Variants in DOP1A observed in about 807,000 individuals in gnomAD.
The protein encoded by DOP1A is protein DOP1A.
DOP1A carries 90 observed loss-of-function variants against 267.6 expected under a neutral mutation model. That is an observed-to-expected ratio of 0.34 (90% confidence interval 0.28 to 0.40). The LOEUF (loss-of-function observed/expected upper bound fraction) is 0.40. Ranked by LOEUF, DOP1A falls within the 10% of genes least tolerant of loss-of-function variation. DOP1A has a pLI of 1.00. For missense variants in DOP1A, 2,437 were observed against 2,900.4 expected (o/e 0.84, Z 3.67); for synonymous variants, 932 against 999.1 (o/e 0.93, Z 1.27).
At position 83,122,827 on chromosome 6, in the gene DOP1A, A is replaced by C. The variant is rs533914759; in HGVS notation, c.1221-36A>C. ...TAAATTTGAAAAAACAAATGTTAAT[A>C]TTTTTTAGTTTTTGTTTTCTTTTCT... On this transcript the variant is annotated intron_variant, in intron 11 of 38. Coordinates refer to ENST00000349129, the MANE Select transcript of DOP1A (RefSeq NM_015018.4). 7.9e-6 allele frequency: 11 copies of C among 1,387,304 alleles called. No individual in the cohort carries two copies. In the East Asian group the frequency reaches 2.8e-4, roughly 35 times the overall value. 85.9% of individuals were successfully genotyped at this position (1,387,304 alleles called of 1,614,324 possible). A position where few individuals can be genotyped will look rare whatever the true frequency, so the allele number is the denominator to read the frequency against.
chr6:83,170,116 G>A (rs1307141769), downstream of DOP1A, among the ~76,000 whole-genome samples: 1 of 152,192 alleles, frequency 6.6e-6, no homozygotes, highest in African/African-American at 2.4e-5. Context: ...AATAAACTAA[G>A]TGGGTCTAAT....
chr6:83,157,915 C>G (rs1156346172), intron 35 of DOP1A, among the ~76,000 whole-genome samples: 1 of 152,118 alleles, frequency 6.6e-6, no homozygotes, highest in Non-Finnish European at 1.5e-5. Context: ...AATGAGTAAA[C>G]AATGGAAAAG....
chr6:83,082,889 C>A lies in DOP1A; in HGVS notation c.-146-13842C>A, dbSNP rs530535439. Among the ~76,000 whole-genome samples, 47 of 151,608 alleles carry A rather than the reference C, an allele frequency of 3.1e-4. 2 individuals carry two copies. The South Asian group carries it at 9.6e-3, about 31-fold the overall frequency. On this transcript the variant is annotated intron_variant, in intron 1 of 38. Transcript: ENST00000349129. ...GTGGTGCGGTCTCCACTCACTGCACCCTCTGCCTCCTGGGTTCAAGCAATT... is the reference window on the plus strand; with the variant it reads ...GTGGTGCGGTCTCCACTCACTGCACACTCTGCCTCCTGGGTTCAAGCAATT...
chr6:83,098,451 G>A (rs1191634242), intron 3 of DOP1A, among the ~76,000 whole-genome samples: 2 of 152,202 alleles, frequency 1.3e-5, no homozygotes, highest in Admixed American at 6.5e-5. Flanking sequence ...GTTGAGGGCT[G>A]AGCCTCATAA....
Position 83,147,220 on chromosome 6 carries a change from T to C in DOP1A, c.5677-16T>C. ...GTATTCTTCTTCACTACAAAATTGA[T>C]TTCTTTTATTTATAGAAACATCTTT... is the stretch of plus-strand genomic sequence containing the variant. On this transcript the variant is annotated splice_polypyrimidine_tract_variant and intron_variant, in intron 25 of 38. Coordinates refer to ENST00000349129, the MANE Select transcript of DOP1A (RefSeq NM_015018.4). 1 of 1,386,586 alleles carries C rather than the reference T, an allele frequency of 7.2e-7. No homozygotes were observed. Among genetic ancestry groups the C allele is most frequent in the Non-Finnish European group, 1.0e-6 (1 of 1,002,278 alleles). The allele number at this position is 1,386,586 out of a possible 1,614,324, so 85.9% of individuals were successfully genotyped here.
chr6:83,077,433 C>A (rs953710616), intron 1 of DOP1A, among the ~76,000 whole-genome samples: 4 of 152,108 alleles, frequency 2.6e-5, no homozygotes, highest in African/African-American at 9.7e-5. Flanking sequence ...CTTTGGGAGG[C>A]CAGGGCAGGA....
chr6:83,125,611 C>G lies in DOP1A; in HGVS notation c.1597C>G (p.Leu533Val). Residue 533 changes from leucine to valine, a missense_variant, in exon 15 of 39, where the codon CTC (leucine) becomes GTC (valine). Physicochemically the swap from Leu to Val is conservative, Grantham distance 32. Coordinates refer to ENST00000349129, the MANE Select transcript of DOP1A (RefSeq NM_015018.4). ...TLHLSELTDS[L>V]RLCSKILSKV... Reference sequence around the variant, plus strand: ...GCACTTATCTGAACTCACAGATTCTCTCAGACTCTGCTCAAAGATCCTTAG... The same window carrying G: ...GCACTTATCTGAACTCACAGATTCTGTCAGACTCTGCTCAAAGATCCTTAG... 6.2e-7 allele frequency: 1 copy of G among 1,613,860 alleles called. No homozygotes were observed. The highest frequency in any genetic ancestry group is 8.5e-7 in the Non-Finnish European group (1 of 1,179,818).
intron 38 of DOP1A, chr6:83,165,160 G>C (rs1188446494): frequency 1.9e-5 from 3 of 155,396 alleles, no homozygotes; most frequent in Non-Finnish European, 2.8e-5. Flanking sequence ...TAGGGGATTA[G>C]AGGTGGTATG....
At chr6:83,152,211 TACACAC>T (rs3830924) in intron 29 of DOP1A, 71 bp from the exon 30 acceptor site, 186 of 697,992 alleles carry the variant, frequency 2.7e-4, no homozygotes, top group Middle Eastern at 7.2e-4. Flanking sequence ...ATAAAAATAA[TACACAC>T]ACACACACAC....
In DOP1A at chr6:83,135,840, G is replaced by A; in HGVS notation, c.3092G>A (p.Ser1031Asn). ...NKSPCYPGEESDKHFMQNFAC... is the reference protein window; with the variant it reads ...NKSPCYPGEENDKHFMQNFAC... ...TCTCCCTGTTATCCAGGAGAGGAGA[G>A]TGACAAGCATTTCATGCAAAATTTT... The change falls in exon 20 of 39, where the codon AGT becomes AAT. Residue 1031 changes from serine (S) to asparagine (N), a missense_variant. Ser to Asn is a conservative substitution (Grantham distance 46). Around this residue, in one of 9 missense-constraint regions of DOP1A, gnomAD observed 878 missense variants for 992.9 expected, o/e 0.88. Coordinates refer to ENST00000349129, the MANE Select transcript of DOP1A (RefSeq NM_015018.4). 1 of 1,613,626 alleles carries A rather than the reference G, an allele frequency of 6.2e-7. No individual in the cohort carries two copies. The highest frequency in any genetic ancestry group is 8.5e-7 in the Non-Finnish European group (1 of 1,179,658).
Position 83,158,517 on chromosome 6 carries a change from A to G in DOP1A, c.6742-50A>G, listed in dbSNP as rs565709277. 6.7e-4 allele frequency: 897 copies of G among 1,334,962 alleles called. 1 individual carries two copies. Among genetic ancestry groups the G allele is most frequent in the South Asian group, 1.1e-3 (86 of 77,964 alleles). The allele number at this position is 1,334,962 out of a possible 1,614,324, so 82.7% of individuals were successfully genotyped here. A position where few individuals can be genotyped will look rare whatever the true frequency, so the allele number is the denominator to read the frequency against. On this transcript the variant is annotated intron_variant, in intron 35 of 38. Coordinates refer to ENST00000349129, the MANE Select transcript of DOP1A (RefSeq NM_015018.4). ...AAATACAACTTAAAGATAACTTGAAAGGATTAAATATCCAGTTTAAATAAA... is the reference window on the plus strand; with the variant it reads ...AAATACAACTTAAAGATAACTTGAAGGGATTAAATATCCAGTTTAAATAAA...
At chr6:83,079,144 A>G (rs972566344) in intron 1 of DOP1A, among the ~76,000 whole-genome samples, 1 of 152,238 alleles carries the variant, frequency 6.6e-6, no homozygotes, top group African/African-American at 2.4e-5. Context: ...ACTGATGTGC[A>G]CAGATACATG....
At position 83,095,440 on chromosome 6, in the gene DOP1A, A is replaced by G. The variant is rs116107762; in HGVS notation, c.-146-1291A>G. Among the ~76,000 whole-genome samples the G allele has an allele frequency of 5.4e-3, 816 of 152,270 alleles. 10 individuals are homozygous for G. Among genetic ancestry groups the G allele is most frequent in the African/African-American group, 0.019 (779 of 41,558 alleles). ...TCCCAAACTACTTGTTGGAAAGACT[A>G]TTCTTACCTTGGTTGAATTGTGTTA... On this transcript the variant is annotated intron_variant, in intron 1 of 38. Transcript: ENST00000349129.
At chr6:83,102,570 C>A (rs1772781363) in intron 4 of DOP1A, among the ~76,000 whole-genome samples, 1 of 152,234 alleles carries the variant, frequency 6.6e-6, no homozygotes, top group Non-Finnish European at 1.5e-5. Flanking sequence ...CCTGAACCTT[C>A]ACTGGCAGCA....
In DOP1A at chr6:83,156,120, C is replaced by T. The variant is rs1554251195; in HGVS notation, c.6604+17C>T. The T allele has an allele frequency of 1.3e-6, 2 of 1,591,934 alleles. No homozygotes were observed. The highest frequency in any genetic ancestry group is 1.7e-6 in the Non-Finnish European group (2 of 1,171,544). ...ATATACAAGGTAAAAAATGAAAAAC[C>T]CTTTATTTTTTCTCTAACTACAGGT... On this transcript the variant is annotated intron_variant, in intron 34 of 38. Transcript: ENST00000349129.
At chr6:83,151,848 G>T (rs181306662) in intron 28 of DOP1A, 35 bp from the exon 29 acceptor site, 2 of 1,604,028 alleles carry the variant, frequency 1.2e-6, no homozygotes, top group East Asian at 4.5e-5. Context: ...GTGCATGTGT[G>T]TACCATACAT....
rs570773316 is a variant in DOP1A at position 83,144,664 on chromosome 6, T to C, written c.5542-860T>C. Reference sequence around the variant, plus strand: ...GGTAGAAAAGTATAAGAGAGCTACATCTTTGTCTTCCAAAATAAGTAATGA... The same window carrying C: ...GGTAGAAAAGTATAAGAGAGCTACACCTTTGTCTTCCAAAATAAGTAATGA... On this transcript the variant is annotated intron_variant, in intron 24 of 38. Coordinates refer to ENST00000349129, the MANE Select transcript of DOP1A (RefSeq NM_015018.4). Among the ~76,000 whole-genome samples the C allele has an allele frequency of 6.6e-5, 10 of 152,226 alleles. No homozygotes were observed. The East Asian group carries it at 9.7e-4, about 15-fold the overall frequency.
In DOP1A at chr6:83,156,019, A is replaced by G; in HGVS notation, c.6520A>G (p.Arg2174Gly). 1.2e-6 allele frequency: 2 copies of G among 1,614,134 alleles called. No homozygotes were observed. Among genetic ancestry groups the G allele is most frequent in the Non-Finnish European group, 1.7e-6 (2 of 1,179,976 alleles). ...AAACCGTGATGTGGAGCTAGAACAGAGAGCTATGCTTCTTAAAAGATTAGC... is the reference window on the plus strand; with the variant it reads ...AAACCGTGATGTGGAGCTAGAACAGGGAGCTATGCTTCTTAAAAGATTAGC... ...FANRDVELEQRAMLLKRLAFA... is the reference protein window; with the variant it reads ...FANRDVELEQGAMLLKRLAFA... The change falls in exon 34 of 39, where the codon AGA (arginine) becomes GGA (glycine). Residue 2174 changes from arginine to glycine, a missense_variant. Coordinates refer to ENST00000349129, the MANE Select transcript of DOP1A (RefSeq NM_015018.4).
At chr6:83,147,380 T>C in intron 26 of DOP1A, 89 bp downstream of exon 26, 2 of 632,974 alleles carry the variant, frequency 3.2e-6, no homozygotes, top group Non-Finnish European at 4.9e-6. Flanking sequence ...GTAATGAGTG[T>C]CTTAACGACC....
Sources: gnomAD v4.1 joint callset for allele counts (sites outside exome capture counted in the v4.1 genomes callset) on GRCh38, gnomAD v4.1.1 for gene constraint, gnomAD v4.1.1 regional missense constraint, MANE v1.5 for transcripts, NCBI Gene and HGNC (gene_info 2026-07-23, HGNC 2026-07-21) for gene names.